Variants in PRKG1 observed in about 807,000 individuals in gnomAD.
The protein encoded by PRKG1 is protein kinase cGMP-dependent 1, also known as cGMP-dependent protein kinase 1.
Under a neutral mutation model 88.1 loss-of-function variants are expected in PRKG1, and 35 were observed. The ratio of observed to expected loss-of-function variants is 0.40; its 90% CI spans 0.30 to 0.53. The LOEUF (loss-of-function observed/expected upper bound fraction) is 0.53, where lower values mean the gene tolerates loss of function less well. PRKG1 is among the 20% of genes least tolerant of loss of function. The pLI is 0.59. For synonymous variants in PRKG1, 303 were observed against 292.5 expected (o/e 1.04, Z -0.37); for missense variants, 540 against 839.8 (o/e 0.64, Z 4.41).
chr10:51,620,681 C>A (rs1233372508), intron 3 of PRKG1, among the ~76,000 whole-genome samples: 1 of 152,014 alleles, frequency 6.6e-6, no homozygotes, highest in Non-Finnish European at 1.5e-5. Flanking sequence ...ATGTGCCAAG[C>A]ACTCCTCTAG....
intron 1 of PRKG1, among the ~76,000 whole-genome samples, chr10:51,096,227 G>A (rs560406142): frequency 1.2e-4 from 18 of 152,200 alleles, no homozygotes; most frequent in African/African-American, 3.9e-4. Flanking sequence ...CTTTGAAACC[G>A]ATCCAGGACT....
At chr10:52,139,145 A>T (rs942581620) in intron 8 of PRKG1, among the ~76,000 whole-genome samples, 1 of 152,138 alleles carries the variant, frequency 6.6e-6, no homozygotes, top group African/African-American at 2.4e-5. Flanking sequence ...GAGAAAGATA[A>T]CAAGGAATGT....
intron 6 of PRKG1, among the ~76,000 whole-genome samples, chr10:52,058,598 C>G (rs1846164193): frequency 6.6e-6 from 1 of 151,928 alleles, no homozygotes. Context: ...GGTGATGGAA[C>G]CATTGGTAAT....
chr10:51,074,224 C>A (rs1214576356), upstream of PRKG1: 3 of 198,758 alleles, frequency 1.5e-5, no homozygotes, highest in African/African-American at 2.3e-5. Flanking sequence ...GAGAGCCCAG[C>A]CGCTGCCTCG....
chr10:51,176,348 G>T (rs1299456569), intron 2 of PRKG1, among the ~76,000 whole-genome samples: 2 of 152,040 alleles, frequency 1.3e-5, no homozygotes, highest in East Asian at 3.9e-4. Flanking sequence ...GGTGCAGAGG[G>T]TCAAATTTCA....
At position 52,293,914 on chromosome 10, in the gene PRKG1, C is replaced by T. The variant is rs1214531799; in HGVS notation, c.*14C>T. On this transcript the variant is annotated 3_prime_UTR_variant, in exon 18 of 18. Coordinates refer to ENST00000373980, the MANE Select transcript of PRKG1 (RefSeq NM_006258.4). ...ATAGACTTCTAATGTATTTCTCTTA[C>T]CTGCTTCTGCCTTGCTGAAGACAGC... 2.5e-5 allele frequency: 40 copies of T among 1,589,524 alleles called. No individual in the cohort carries two copies. The highest frequency in any genetic ancestry group is 3.2e-5 in the Non-Finnish European group (37 of 1,160,328).
At chr10:51,097,311 C>A (rs756032836) in intron 1 of PRKG1, among the ~76,000 whole-genome samples, 4 of 152,130 alleles carry the variant, frequency 2.6e-5, no homozygotes, top group Non-Finnish European at 5.9e-5. Context: ...CAACTTCCGC[C>A]CCCTGGGTTC....
At chr10:52,176,844 T>C (rs887108161) in intron 9 of PRKG1, among the ~76,000 whole-genome samples, 2 of 152,194 alleles carry the variant, frequency 1.3e-5, no homozygotes, top group Non-Finnish European at 2.9e-5. Context: ...ATGTTATTGA[T>C]TTTTGTATGT....
At chr10:51,308,572 G>T (rs1403493566) in intron 2 of PRKG1, among the ~76,000 whole-genome samples, 1 of 151,950 alleles carries the variant, frequency 6.6e-6, no homozygotes, top group East Asian at 1.9e-4. Context: ...GTAATAGCAG[G>T]GCTATTACAT....
chr10:51,540,325 G>A lies in PRKG1; in HGVS notation c.592+72489G>A, dbSNP rs142179646. On this transcript the variant is annotated intron_variant, in intron 3 of 17. Coordinates refer to ENST00000373980, the MANE Select transcript of PRKG1 (RefSeq NM_006258.4). ...CTATTCTCTTTTATGTTATTATAAA[G>A]CATTTACATTCACATCAATGTAGAC... Among the ~76,000 whole-genome samples the A allele has an allele frequency of 3.9e-3, 587 of 152,214 alleles. 5 individuals carry two copies. The highest frequency in any genetic ancestry group is 0.012 in the African/African-American group (510 of 41,546).
chr10:51,582,212 T>C (rs1838057382), intron 3 of PRKG1, among the ~76,000 whole-genome samples: 1 of 152,324 alleles, frequency 6.6e-6, no homozygotes, highest in South Asian at 2.1e-4. Flanking sequence ...ATCTATAATA[T>C]TCTCTTCTCT....
intron 2 of PRKG1, among the ~76,000 whole-genome samples, chr10:51,428,355 C>T (rs1011455507): frequency 6.6e-6 from 1 of 152,134 alleles, no homozygotes; most frequent in African/African-American, 2.4e-5. Context: ...CAAAGTTTAG[C>T]TTCTTGGAAA....
chr10:51,570,067 A>ACATATATATATATATATG (rs1554822455), intron 3 of PRKG1, among the ~76,000 whole-genome samples: 2 of 113,078 alleles, frequency 1.8e-5, no homozygotes, highest in African/African-American at 7.2e-5. Flanking sequence ...ATATATATAT[A>ACATATATATATATATATG]TGTGTGTGTG....
chr10:51,174,453 A>G (rs989006433), intron 2 of PRKG1, among the ~76,000 whole-genome samples: 2 of 152,034 alleles, frequency 1.3e-5, no homozygotes, highest in Non-Finnish European at 2.9e-5. Flanking sequence ...ATTTTTCATT[A>G]TATCAGTCTC....
chr10:51,880,946 T>C (rs1480106917), intron 4 of PRKG1, among the ~76,000 whole-genome samples: 1 of 150,410 alleles, frequency 6.6e-6, no homozygotes, highest in Non-Finnish European at 1.5e-5. Context: ...CCCAAGTAAT[T>C]ATAATTATAG....
intron 4 of PRKG1, among the ~76,000 whole-genome samples, chr10:51,855,958 G>T (rs191551134): frequency 1.3e-5 from 2 of 152,232 alleles, no homozygotes; most frequent in Admixed American, 6.5e-5. Context: ...TAAAAATAAA[G>T]GTTCCAGCTG....
chr10:51,798,305 C>A (rs140711119), intron 3 of PRKG1, among the ~76,000 whole-genome samples: 9 of 152,142 alleles, frequency 5.9e-5, no homozygotes, highest in African/African-American at 1.7e-4. Context: ...TCGTCACCAA[C>A]ACTTACTATT....
intron 3 of PRKG1, among the ~76,000 whole-genome samples, chr10:51,721,855 G>A (rs919414492): frequency 1.3e-5 from 2 of 152,098 alleles, no homozygotes; most frequent in Admixed American, 6.5e-5. Flanking sequence ...TTTCTCCAGG[G>A]ACTGCCTAAT....
intron 1 of PRKG1, among the ~76,000 whole-genome samples, chr10:51,001,493 T>A (rs1424634663): frequency 1.3e-5 from 2 of 152,224 alleles, no homozygotes; most frequent in East Asian, 1.9e-4. Context: ...AGAAAAAAAA[T>A]TAGATTATTC....
Sources: gnomAD v4.1 joint callset for allele counts (sites outside exome capture counted in the v4.1 genomes callset) on GRCh38, gnomAD v4.1.1 for gene constraint, MANE v1.5 for transcripts, NCBI Gene and HGNC (gene_info 2026-07-23, HGNC 2026-07-21) for gene names.